ANAPC11: variants seen among roughly 807,000 people sequenced by gnomAD.
ANAPC11 encodes the protein anaphase-promoting complex subunit 11.
ANAPC11 carries 5 observed loss-of-function variants against 11.8 expected under a neutral mutation model. That is an observed-to-expected ratio of 0.42 (90% CI 0.22 to 0.89). The LOEUF (loss-of-function observed/expected upper bound fraction) is 0.89. Among genes scored for constraint, ANAPC11 ranks in the 40% least tolerant of loss-of-function variants. The pLI is 0.28. For missense variants in ANAPC11, 68 were observed against 112.9 expected, an observed-to-expected ratio of 0.60 and a Z score of 1.80; for synonymous variants, 45 against 41.0, an observed-to-expected ratio of 1.10 and a Z score of -0.38.
chr17:81,895,823 C>T (rs1265486470), intron 3 of ANAPC11, among the ~76,000 whole-genome samples: 4 of 152,124 alleles, frequency 2.6e-5, no homozygotes, highest in African/African-American at 7.2e-5. Context: ...CAAAAATTAG[C>T]TGGGTGTGTG....
intron 1 of ANAPC11, chr17:81,893,312 T>C (rs1423881342): frequency 2.6e-5 from 4 of 152,210 alleles, no homozygotes; most frequent in Non-Finnish European, 5.9e-5. Flanking sequence ...CAGGCTGGTC[T>C]TGAACTCCTG....
chr17:81,900,199 C>T lies in ANAPC11; in HGVS notation c.*134C>T. On this transcript the variant is annotated 3_prime_UTR_variant, in exon 4 of 4. Coordinates refer to ENST00000344877, the MANE Select transcript of ANAPC11 (RefSeq NM_001002248.3). ...GCTGGAGCTGCGTTTGTTTTGCCAT[C>T]ACTATGTTGACACTTTTATCCAATA... is the stretch of plus-strand genomic sequence containing the variant. The T allele has an allele frequency of 1.5e-6, 2 of 1,376,588 alleles. No individual in the cohort carries two copies. Among genetic ancestry groups the T allele is most frequent in the Non-Finnish European group, 2.0e-6 (2 of 1,012,308 alleles). The allele number at this position is 1,376,588 out of a possible 1,614,324, so 85.3% of individuals were successfully genotyped here. A position where few individuals can be genotyped will look rare whatever the true frequency, so the allele number is the denominator to read the frequency against.
At chr17:81,899,218 T>TA in intron 3 of ANAPC11, 2 of 1,605,706 alleles carry the variant, frequency 1.2e-6, no homozygotes, top group Non-Finnish European at 1.7e-6. Flanking sequence ...TCATGGCTGA[T>TA]ACAAGCATCC....
At chr17:81,891,066 T>C, upstream of ANAPC11, 2 of 675,984 alleles carry the variant, frequency 3.0e-6, no homozygotes, top group Non-Finnish European at 4.8e-6. Flanking sequence ...CGTCCCCTCC[T>C]CTCCTGCCAC....
intron 3 of ANAPC11, 117 bp downstream of exon 3, chr17:81,894,703 C>A: frequency 2.1e-6 from 1 of 485,390 alleles, no homozygotes; most frequent in Non-Finnish European, 3.5e-6. Flanking sequence ...ACGAAATACC[C>A]AGTTTCATTT....
chr17:81,894,595 C>T lies in ANAPC11; in HGVS notation c.109+9C>T, dbSNP rs758779035. The T allele has an allele frequency of 6.9e-6, 11 of 1,585,484 alleles. No individual in the cohort carries two copies. The East Asian group carries it at 1.6e-4, about 23-fold the overall frequency. ...CGGATGCTGCCCTGACTGTGAGTGT[C>T]CCCTCCATGCTGTCTGAGCGGCCCC... On this transcript the variant is annotated intron_variant, in intron 3 of 3. Coordinates refer to ENST00000344877, the MANE Select transcript of ANAPC11 (RefSeq NM_001002248.3).
chr17:81,896,112 C>T (rs1049448475), intron 3 of ANAPC11, among the ~76,000 whole-genome samples: 6 of 152,140 alleles, frequency 3.9e-5, no homozygotes, highest in Admixed American at 1.3e-4. Flanking sequence ...GGCAAAACCC[C>T]GACTCTACTA....
At chr17:81,900,484 C>A (rs914214112), downstream of ANAPC11, 4 of 248,052 alleles carry the variant, frequency 1.6e-5, no homozygotes, top group African/African-American at 7.1e-5. Context: ...GACCCTCCCT[C>A]AGGCTGGCTC....
Position 81,899,737 on chromosome 17 carries a change from C to T in ANAPC11, c.110-183C>T, listed in dbSNP as rs2039875851. 4 of 964,408 alleles carry T rather than the reference C, an allele frequency of 4.1e-6. No individual in the cohort carries two copies. The South Asian group carries it at 6.9e-5, about 17-fold the overall frequency. The allele number at this position is 964,408 out of a possible 1,614,324, so 59.7% of individuals were successfully genotyped here. On this transcript the variant is annotated intron_variant, in intron 3 of 3. Transcript: ENST00000344877. ...TCCCTTGGTCATTGCTGGTCTTCGC[C>T]TGGGGGCGGGCTGGTCAGGAGACCG...
chr17:81,894,133 G>A (rs933443111), intron 2 of ANAPC11, among the ~76,000 whole-genome samples: 5 of 151,792 alleles, frequency 3.3e-5, no homozygotes, highest in Admixed American at 6.6e-5. Flanking sequence ...AAAATTAGTC[G>A]GGCGTGGAGT....
chr17:81,894,074 T>G (rs1422142495), intron 2 of ANAPC11, among the ~76,000 whole-genome samples: 2 of 151,562 alleles, frequency 1.3e-5, no homozygotes, highest in Non-Finnish European at 2.9e-5. Context: ...GGCCAGGAGT[T>G]CAAGACCAGC....
At chr17:81,891,263 C>T (rs2039522578), upstream of ANAPC11, 7 of 1,092,656 alleles carry the variant, frequency 6.4e-6, no homozygotes, top group Non-Finnish European at 7.8e-6. Context: ...GCGAGCGGCC[C>T]CGGCCCCAGC....
chr17:81,891,769 G>A lies in ANAPC11; in HGVS notation c.-147G>A, dbSNP rs1018657528. The stretch of plus-strand genomic sequence containing the variant: ...TCGGCGGGCGCTGTTGAGGGAGTCG[G>A]GCCGCGACTGTGGTCGTTTTTATAC... On this transcript the variant is annotated 5_prime_UTR_variant, in exon 1 of 4. Coordinates refer to ENST00000344877, the MANE Select transcript of ANAPC11 (RefSeq NM_001002248.3). The A allele has an allele frequency of 1.1e-5, 4 of 352,946 alleles. No individual in the cohort carries two copies. Among genetic ancestry groups the A allele is most frequent in the African/African-American group, 2.2e-5 (1 of 44,562 alleles). The allele number at this position is 352,946 out of a possible 1,614,324, so 21.9% of individuals were successfully genotyped here. A position where few individuals can be genotyped will look rare whatever the true frequency, so the allele number is the denominator to read the frequency against.
chr17:81,890,886 G>A (rs1423738359), upstream of ANAPC11: 3 of 1,607,512 alleles, frequency 1.9e-6, no homozygotes, highest in East Asian at 2.2e-5. Context: ...TGACCCTCAC[G>A]GCTACTCCGG....
chr17:81,892,884 G>T (rs959250708), intron 1 of ANAPC11, among the ~76,000 whole-genome samples: 3 of 151,980 alleles, frequency 2.0e-5, no homozygotes, highest in African/African-American at 4.8e-5. Context: ...TTGAGTCAGG[G>T]TCTCCCTCCG....
intron 3 of ANAPC11, among the ~76,000 whole-genome samples, chr17:81,896,687 T>C (rs1443549225): frequency 6.6e-6 from 1 of 151,876 alleles, no homozygotes; most frequent in Non-Finnish European, 1.5e-5. Flanking sequence ...CCCATATTGA[T>C]TGACAGGGTC....
chr17:81,891,966 G>GGGGCGCTAC (rs1555609282), intron 1 of ANAPC11, 125 bp downstream of exon 1: 19 of 161,328 alleles, frequency 1.2e-4, no homozygotes, highest in African/African-American at 4.1e-4. Flanking sequence ...GGGGGCGCTG[G>GGGGCGCTAC]GGGCGCTACG....
intron 1 of ANAPC11, chr17:81,893,217 C>T (rs562577247): frequency 3.9e-5 from 6 of 152,284 alleles, no homozygotes; most frequent in African/African-American, 9.6e-5. Context: ...CTCACCCTCC[C>T]GAGTAGCTGG....
At chr17:81,893,982 A>G (rs1212753444) in intron 2 of ANAPC11, among the ~76,000 whole-genome samples, 3 of 151,836 alleles carry the variant, frequency 2.0e-5, no homozygotes, top group Non-Finnish European at 4.4e-5. Context: ...TTGTTTTAAT[A>G]GAAACGGGGC....
Sources: gnomAD v4.1 joint callset for allele counts (sites outside exome capture counted in the v4.1 genomes callset) on GRCh38, gnomAD v4.1.1 for gene constraint, MANE v1.5 for transcripts, NCBI Gene and HGNC (gene_info 2026-07-23, HGNC 2026-07-21) for gene names.